Variants in TEX11 observed in about 807,000 individuals in gnomAD.
The protein encoded by TEX11 is testis-expressed protein 11.
A neutral mutation model predicts 84.4 loss-of-function variants in TEX11; 7 were observed. That is an observed-to-expected ratio of 0.08 (90% confidence interval 0.05 to 0.16). The LOEUF is 0.16. Ranked by LOEUF, TEX11 falls within the 10% of genes least tolerant of loss-of-function variation. The pLI, the probability that TEX11 is intolerant of heterozygous loss-of-function variation, is 1.00. For missense variants in TEX11, 551 were observed against 660.5 expected (o/e 0.83, Z 1.82); for synonymous variants, 264 against 222.8 (o/e 1.18, Z -1.64).
downstream of TEX11, among the ~76,000 whole-genome samples, chrX:70,524,726 C>T (rs762023315): frequency 1.8e-5 from 2 of 112,014 alleles, no homozygotes; most frequent in Non-Finnish European, 3.8e-5. Flanking sequence ...CCACCACGTC[C>T]GGCTAATTTT....
chrX:70,744,356 A>G, intron 9 of TEX11, 137 bp from the exon 10 acceptor site: 1 of 186,863 alleles, frequency 5.4e-6, no homozygotes, highest in Non-Finnish European at 9.7e-6. Context: ...TCTGTTTTGC[A>G]CTACAACAGA....
intron 24 of TEX11, among the ~76,000 whole-genome samples, chrX:70,592,464 G>A (rs1352808594): frequency 2.7e-5 from 3 of 111,324 alleles, no homozygotes; most frequent in African/African-American, 6.5e-5. Context: ...TTATAAACAA[G>A]CATAGCTCAG....
intron 8 of TEX11, among the ~76,000 whole-genome samples, chrX:70,818,960 C>T (rs769486010): frequency 9.0e-6 from 1 of 110,977 alleles, no homozygotes; most frequent in East Asian, 2.8e-4. Context: ...TAAAATGCCC[C>T]AGAAAAAAAA....
chrX:70,551,636 G>A (rs181347594), intron 28 of TEX11, among the ~76,000 whole-genome samples: 3 of 111,620 alleles, frequency 2.7e-5, no homozygotes, highest in African/African-American at 9.8e-5. Flanking sequence ...AGCCATGGGT[G>A]AATTTTATGA....
intron 25 of TEX11, among the ~76,000 whole-genome samples, chrX:70,584,285 G>A (rs1357634252): frequency 1.4e-4 from 13 of 90,078 alleles, no homozygotes; most frequent in Non-Finnish European, 2.4e-4. Context: ...GCGAGACTCC[G>A]TCTCAAAAAA....
intron 16 of TEX11, among the ~76,000 whole-genome samples, chrX:70,663,565 C>T (rs1401125105): frequency 1.8e-5 from 2 of 111,587 alleles, no homozygotes; most frequent in East Asian, 2.8e-4. Flanking sequence ...TCTTGGCACA[C>T]TTGGGTTTGT....
intron 4 of TEX11, among the ~76,000 whole-genome samples, chrX:70,868,800 T>G (rs1304119667): frequency 1.8e-5 from 2 of 109,956 alleles, no homozygotes; most frequent in African/African-American, 6.7e-5. Context: ...CACTAAATGT[T>G]CTCACTCATA....
chrX:70,751,391 C>A (rs1235042775), intron 9 of TEX11, among the ~76,000 whole-genome samples: 2 of 101,525 alleles, frequency 2.0e-5, no homozygotes, highest in Non-Finnish European at 4.0e-5. Context: ...GGACAAAAAA[C>A]CAAACACCAC....
intron 20 of TEX11, among the ~76,000 whole-genome samples, chrX:70,619,242 A>G (rs140443676): frequency 1.1e-3 from 124 of 111,940 alleles, no homozygotes; most frequent in African/African-American, 3.8e-3. Context: ...ATATTTTTAA[A>G]TCTTTATGTC....
intron 7 of TEX11, among the ~76,000 whole-genome samples, chrX:70,846,564 T>A (rs776451304): frequency 4.2e-4 from 47 of 112,311 alleles, no homozygotes; most frequent in Non-Finnish European, 7.1e-4. Context: ...ACCCTTACAG[T>A]CTATTTTCTA....
intron 13 of TEX11, among the ~76,000 whole-genome samples, chrX:70,706,583 C>T (rs1464556928): frequency 9.0e-6 from 1 of 110,986 alleles, no homozygotes; most frequent in Non-Finnish European, 1.9e-5. Flanking sequence ...CTCTAACCCC[C>T]CCTTTTATGG....
At chrX:70,551,005 G>A (rs1245598316) in intron 28 of TEX11, among the ~76,000 whole-genome samples, 1 of 111,484 alleles carries the variant, frequency 9.0e-6, no homozygotes, top group East Asian at 2.8e-4. Flanking sequence ...CAACCTAAGT[G>A]TCCATCAACA....
At chrX:70,858,267 G>A (rs1358345960) in intron 5 of TEX11, among the ~76,000 whole-genome samples, 1 of 108,595 alleles carries the variant, frequency 9.2e-6, no homozygotes, top group East Asian at 2.9e-4. Flanking sequence ...GGCCAAGATG[G>A]TAAAACTCCG....
rs2090684826 is a variant in TEX11 at position 70,734,997 on chromosome X, A to G, written c.843+5704T>C. On this transcript the variant is annotated intron_variant, in intron 11 of 29. Coordinates refer to ENST00000374333, the MANE Select transcript of TEX11 (RefSeq NM_031276.3). ...TAGAAAAATTAGAAAAGAAAAAGAG[A>G]CAAAAGGCACGCAGATTGGAAAGCA... Among the ~76,000 whole-genome samples the G allele has an allele frequency of 3.6e-5, 4 of 112,253 alleles. No individual in the cohort carries two copies. The South Asian group carries it at 1.1e-3, about 31-fold the overall frequency.
chrX:70,536,297 C>T (rs2147930480), intron 28 of TEX11, among the ~76,000 whole-genome samples: 1 of 110,669 alleles, frequency 9.0e-6, no homozygotes, highest in Non-Finnish European at 1.9e-5. Context: ...CTATGTTGGC[C>T]AGGCTGGTCT....
intron 4 of TEX11, among the ~76,000 whole-genome samples, chrX:70,865,690 C>T (rs1246637319): frequency 8.9e-6 from 1 of 112,069 alleles, no homozygotes; most frequent in Non-Finnish European, 1.9e-5. Flanking sequence ...TCAAAACAGT[C>T]TCTCAGAACA....
chrX:70,711,964 G>T (rs145945123), intron 13 of TEX11, among the ~76,000 whole-genome samples: 8,792 of 111,312 alleles, frequency 0.079, 429 homozygotes, highest in Admixed American at 0.24. Flanking sequence ...ATTAATTTTA[G>T]TATAAGGTGT....
At chrX:70,861,696 A>T (rs184580588) in intron 4 of TEX11, among the ~76,000 whole-genome samples, 307 of 109,032 alleles carry the variant, frequency 2.8e-3, no homozygotes, top group Middle Eastern at 9.8e-3. Flanking sequence ...TGAACTCCTG[A>T]CCTCAGGTGA....
intron 2 of TEX11, among the ~76,000 whole-genome samples, chrX:70,881,736 A>T (rs1236592214): frequency 9.0e-6 from 1 of 111,515 alleles, no homozygotes; most frequent in African/African-American, 3.3e-5. Context: ...GTATAAAAAT[A>T]AAAATTAAAA....
Sources: gnomAD v4.1 joint callset for allele counts (sites outside exome capture counted in the v4.1 genomes callset) on GRCh38, gnomAD v4.1.1 for gene constraint, MANE v1.5 for transcripts, NCBI Gene and HGNC (gene_info 2026-07-23, HGNC 2026-07-21) for gene names.